Variants in SREBF1 observed in about 807,000 individuals in gnomAD.
SREBF1 encodes sterol regulatory element-binding protein 1.
SREBF1 carries 45 observed loss-of-function variants against 100.1 expected under a neutral mutation model. That is an observed-to-expected ratio of 0.45 (90% CI 0.35 to 0.58). The LOEUF (loss-of-function observed/expected upper bound fraction) is 0.58, where lower values mean the gene tolerates loss of function less well. Among genes scored for constraint, SREBF1 ranks in the 20% least tolerant of loss-of-function variants. The pLI is 0.00. For synonymous variants in SREBF1, 657 were observed against 681.8 expected (o/e 0.96, Z 0.57); for missense variants, 1,324 against 1,539.4 (o/e 0.86, Z 2.34).
intron 1 of SREBF1, among the ~76,000 whole-genome samples, chr17:17,834,023 C>CATAGAG (rs2035070153): frequency 6.7e-6 from 1 of 148,296 alleles, no homozygotes; most frequent in Non-Finnish European, 1.5e-5. Flanking sequence ...CACATATAAA[C>CATAGAG]ACACAGAGAG....
At chr17:17,820,891 AT>A (rs1567977617) in intron 1 of SREBF1, 2 of 343,490 alleles carry the variant, frequency 5.8e-6, no homozygotes, top group Non-Finnish European at 1.1e-5. Context: ...TTGCCCAAAC[AT>A]CTAGAAACAT....
intron 1 of SREBF1, among the ~76,000 whole-genome samples, chr17:17,825,391 T>C (rs1347000627): frequency 6.6e-6 from 1 of 151,532 alleles, no homozygotes; most frequent in Non-Finnish European, 1.5e-5. Context: ...TTAAAGACTC[T>C]GATGGGGGTG....
chr17:17,833,821 T>C (rs1259798959), intron 1 of SREBF1, among the ~76,000 whole-genome samples: 1 of 151,832 alleles, frequency 6.6e-6, no homozygotes, highest in Non-Finnish European at 1.5e-5. Flanking sequence ...CTACTAAAAA[T>C]ACAAAATTTA....
chr17:17,811,856 C>T lies in SREBF1; in HGVS notation c.*766G>A. On this transcript the variant is annotated 3_prime_UTR_variant, in exon 19 of 19. Transcript: ENST00000261646. ...GGAGGCCCTAAGGGTTGACACAGCC[C>T]AACCATGTGCCCTGGGAGCAGGGGG... is the stretch of plus-strand genomic sequence containing the variant. The T allele has an allele frequency of 2.3e-6, 1 of 439,564 alleles. No individual in the cohort carries two copies. Among genetic ancestry groups the T allele is most frequent in the South Asian group, 1.6e-5 (1 of 63,016 alleles). 27.2% of individuals were successfully genotyped at this position (439,564 alleles called of 1,614,324 possible). A position where few individuals can be genotyped will look rare whatever the true frequency, so the allele number is the denominator to read the frequency against.
chr17:17,819,470 G>A lies in SREBF1; in HGVS notation c.712-16C>T. ...GCAGCAGGACCTGAGGGTGGGAGAG[G>A]CTTGGCTGTAAGCTGTGTGTCTGGG... On this transcript the variant is annotated splice_polypyrimidine_tract_variant and intron_variant, in intron 3 of 18. Transcript: ENST00000261646. The A allele has an allele frequency of 1.9e-6, 3 of 1,613,504 alleles. No homozygotes were observed. The highest frequency in any genetic ancestry group is 2.2e-5 in the South Asian group (2 of 91,090).
intron 1 of SREBF1, 173 bp from the exon 2 acceptor site, chr17:17,820,694 T>C (rs2034036750): frequency 2.7e-6 from 2 of 737,352 alleles, no homozygotes; most frequent in South Asian, 1.6e-5. Context: ...TTCCCGGACA[T>C]ACAGCCATTT....
chr17:17,814,321 A>G lies in SREBF1; in HGVS notation c.2825T>C (p.Leu942Pro). The stretch of plus-strand genomic sequence containing the variant: ...CCCACTGGCCTTCTCACAGATGGTC[A>G]GGCTGGCTGGACCAGACTCTGCCTT... ...CAKAESGPAS[L>P]TICEKASGYL... The change falls in exon 16 of 19, where the codon CTG (leucine) becomes CCG (proline). Residue 942 changes from leucine (L) to proline (P), a missense_variant. Transcript: ENST00000261646. The G allele has an allele frequency of 6.3e-7, 1 of 1,594,490 alleles. No individual in the cohort carries two copies. The highest frequency in any genetic ancestry group is 8.5e-7 in the Non-Finnish European group (1 of 1,170,898).
In SREBF1 at chr17:17,811,787, G is replaced by A. The variant is rs11868035; in HGVS notation, c.*835C>T. On this transcript the variant is annotated 3_prime_UTR_variant, in exon 19 of 19. Coordinates refer to ENST00000261646, the MANE Select transcript of SREBF1 (RefSeq NM_004176.5). The stretch of plus-strand genomic sequence containing the variant: ...ATCCTCCCGTGCCACCCAGGGACCT[G>A]ATGGGGACAGAGCTGGGAGGTGAGA... 177,933 of 453,984 alleles carry A rather than the reference G, an allele frequency of 0.39. 41,137 individuals are homozygous for A. The highest frequency in any genetic ancestry group is 0.85 in the East Asian group (11,867 of 14,032). 28.1% of individuals were successfully genotyped at this position (453,984 alleles called of 1,614,324 possible).
chr17:17,823,572 G>A, intron 1 of SREBF1: 2 of 1,613,332 alleles, frequency 1.2e-6, no homozygotes, highest in Non-Finnish European at 8.5e-7. Context: ...GGGGCGTCCA[G>A]GCCGTTGGCC....
chr17:17,811,940 ACATCGGGAAGAG>A lies in SREBF1; in HGVS notation c.*670_*681del, dbSNP rs2032901919. ...CCCCACTCCTCCCACTAACAAACAA[ACATCGGGAAGAG>A]CTAAGTTAAAAGTTGTGTACCTTGT... On this transcript the variant is annotated 3_prime_UTR_variant, in exon 19 of 19. Transcript: ENST00000261646. 2.2e-6 allele frequency: 1 copy of A among 446,852 alleles called. No homozygotes were observed. The highest frequency in any genetic ancestry group is 2.0e-5 in the African/African-American group (1 of 49,176). 27.7% of individuals were successfully genotyped at this position (446,852 alleles called of 1,614,324 possible).
chr17:17,817,068 C>G lies in SREBF1; in HGVS notation c.1675G>C (p.Val559Leu), dbSNP rs775092228. Residue 559 changes from valine (V) to leucine (L), a missense_variant, in exon 9 of 19, where the codon GTC becomes CTC. Coordinates refer to ENST00000261646, the MANE Select transcript of SREBF1 (RefSeq NM_004176.5). The surrounding 1 kb of genome is among the most constrained non-coding windows in gnomAD (Gnocchi z 6.6). ...TAGACAAAGAGAAGCACCAAGGAGA[C>G]GAGCACCAACAGCCCATTGAGCAGC... ...VWLLNGLLVL[V>L]SLVLLFVYGE... 3.7e-6 allele frequency: 6 copies of G among 1,613,024 alleles called. No individual in the cohort carries two copies. In the Admixed American group the frequency reaches 1.0e-4, roughly 27 times the overall value.
At chr17:17,827,378 G>C (rs571411526) in intron 1 of SREBF1, among the ~76,000 whole-genome samples, 6 of 152,342 alleles carry the variant, frequency 3.9e-5, no homozygotes, top group South Asian at 4.1e-4. Context: ...TGGGATTCCA[G>C]AGCACACCCT....
rs1286181353 is a variant in SREBF1, at chr17:17,814,334, C to A, written c.2812G>T (p.Gly938Cys). Residue 938 changes from glycine (G) to cysteine (C), a missense_variant, in exon 16 of 19, where the codon GGT becomes TGT. By Grantham distance (159) the Gly-to-Cys change is radical. Coordinates refer to ENST00000261646, the MANE Select transcript of SREBF1 (RefSeq NM_004176.5). ...TCACAGATGGTCAGGCTGGCTGGACCAGACTCTGCCTTGGCACAGCCCAGC... is the reference window on the plus strand; with the variant it reads ...TCACAGATGGTCAGGCTGGCTGGACAAGACTCTGCCTTGGCACAGCCCAGC... ...ALLGCAKAES[G>C]PASLTICEKA... The A allele has an allele frequency of 5.0e-6, 8 of 1,588,480 alleles. No individual in the cohort carries two copies. Among genetic ancestry groups the A allele is most frequent in the Non-Finnish European group, 1.7e-6 (2 of 1,167,680 alleles).
rs138960646 is a variant in SREBF1 at position 17,828,745 on chromosome 17, A to C, written c.91+7982T>G. Among the ~76,000 whole-genome samples the C allele has an allele frequency of 9.2e-5, 14 of 151,976 alleles. No individual in the cohort carries two copies. The East Asian group carries it at 2.5e-3, about 27-fold the overall frequency. On this transcript the variant is annotated intron_variant, in intron 1 of 18. Coordinates refer to ENST00000261646, the MANE Select transcript of SREBF1 (RefSeq NM_004176.5). ...AGCCTGGGCAATGTAGCAAGGCCCC[A>C]TCTCTACAAAGTTTTAAAAATAGCT...
Position 17,819,643 on chromosome 17 carries a change from G to T in SREBF1, c.606C>A (p.His202Gln). 1 of 1,612,662 alleles carries T rather than the reference G, an allele frequency of 6.2e-7. No individual in the cohort carries two copies. The highest frequency in any genetic ancestry group is 8.5e-7 in the Non-Finnish European group (1 of 1,179,212). The part of the protein sequence containing the change: ...SPPGVPPVSL[H>Q]TQVQSVVPQQ... ...GGGGGACCACACTCTGGACCTGGGT[G>T]TGCAAGGAGACGGGCGGGACCCCTG... The change falls in exon 3 of 19, where the codon CAC becomes CAA. Residue 202 changes from histidine to glutamine, a missense_variant. Transcript: ENST00000261646.
chr17:17,817,955 G>T lies in SREBF1; in HGVS notation c.1184-39C>A. 6.3e-7 allele frequency: 1 copy of T among 1,586,656 alleles called. No homozygotes were observed. Among genetic ancestry groups the T allele is most frequent in the Non-Finnish European group, 8.6e-7 (1 of 1,168,302 alleles). On this transcript the variant is annotated intron_variant, in intron 6 of 18. Coordinates refer to ENST00000261646, the MANE Select transcript of SREBF1 (RefSeq NM_004176.5). The surrounding 1 kb of genome is among the most constrained non-coding windows in gnomAD (Gnocchi z 6.6). Reference sequence around the variant, plus strand: ...GGAACAGAGCCAGGAGTAAAGGCTGGATATGTGACCCCAAATCAGAGCCTA... The same window carrying T: ...GGAACAGAGCCAGGAGTAAAGGCTGTATATGTGACCCCAAATCAGAGCCTA...
intron 1 of SREBF1, among the ~76,000 whole-genome samples, chr17:17,832,773 A>G (rs2034942196): frequency 6.6e-6 from 1 of 151,820 alleles, no homozygotes; most frequent in South Asian, 2.1e-4. Context: ...ACAAAAAATT[A>G]GCCAGGCATG....
intron 1 of SREBF1, among the ~76,000 whole-genome samples, chr17:17,829,203 AAAATAT>A (rs1361592424): frequency 3.6e-4 from 13 of 36,120 alleles, no homozygotes; most frequent in African/African-American, 1.1e-3. Context: ...AAAAAAAAAA[AAAATAT>A]ATATATATAT....
At chr17:17,831,535 AC>A (rs2143150182) in intron 1 of SREBF1, among the ~76,000 whole-genome samples, 1 of 151,824 alleles carries the variant, frequency 6.6e-6, no homozygotes, top group South Asian at 2.1e-4. Context: ...TAGGAAAGAG[AC>A]CCCGAGGCCC....
Sources: allele counts gnomAD v4.1 joint callset (sites outside exome capture counted in the v4.1 genomes callset), GRCh38; gene constraint gnomAD v4.1.1; non-coding constraint Gnocchi (gnomAD v3.1); transcripts MANE v1.5; gene names NCBI Gene and HGNC (gene_info 2026-07-23, HGNC 2026-07-21).